ENOX1: variants seen among roughly 807,000 people sequenced by gnomAD.
ENOX1 encodes the protein ecto-NOX disulfide-thiol exchanger 1.
Under a neutral mutation model 82.5 loss-of-function variants are expected in ENOX1, and 42 were observed. The ratio of observed to expected loss-of-function variants is 0.51; its 90% confidence interval spans 0.40 to 0.66. ENOX1 has a LOEUF of 0.66. Among genes scored for constraint, ENOX1 ranks in the 30% least tolerant of loss-of-function variants. The pLI is 0.00. For synonymous variants in ENOX1, 271 were observed against 282.2 expected (o/e 0.96, Z 0.40); for missense variants, 608 against 811.6 (o/e 0.75, Z 3.05).
chr13:43,605,972 T>C (rs2081960106), intron 2 of ENOX1, among the ~76,000 whole-genome samples: 1 of 152,004 alleles, frequency 6.6e-6, no homozygotes, highest in Non-Finnish European at 1.5e-5. Context: ...AGAAATCTAA[T>C]AATCCAATTA....
At chr13:43,688,144 G>C (rs1355537435) in intron 1 of ENOX1, among the ~76,000 whole-genome samples, 2 of 152,120 alleles carry the variant, frequency 1.3e-5, no homozygotes, top group African/African-American at 2.4e-5. Context: ...AGTTTTGGGA[G>C]AGAGACCTGG....
Position 43,224,159 on chromosome 13 carries a change from T to C in ENOX1, c.1715-21A>G, listed in dbSNP as rs374313291. On this transcript the variant is annotated intron_variant, in intron 15 of 16. Transcript: ENST00000690772. ...GATACCTGAATTAAAAAGGCAAACA[T>C]TGGAAATTATTCAAAGGCATATGAG... The C allele has an allele frequency of 4.9e-5, 78 of 1,587,412 alleles. No individual in the cohort carries two copies. The African/African-American group carries it at 7.1e-4, about 14-fold the overall frequency.
At chr13:43,419,696 G>A (rs367997787) in intron 3 of ENOX1, among the ~76,000 whole-genome samples, 2 of 152,186 alleles carry the variant, frequency 1.3e-5, no homozygotes, top group African/African-American at 4.8e-5. Context: ...ACCAGGCCAG[G>A]CACGGTGGCT....
intron 2 of ENOX1, among the ~76,000 whole-genome samples, chr13:43,620,414 G>A (rs2082673316): frequency 6.6e-6 from 1 of 151,904 alleles, no homozygotes. Context: ...CACTGCTTTT[G>A]CTGTATCCCA....
chr13:43,238,487 G>A (rs1490054308), intron 14 of ENOX1, among the ~76,000 whole-genome samples: 1 of 152,134 alleles, frequency 6.6e-6, no homozygotes, highest in Non-Finnish European at 1.5e-5. Flanking sequence ...TAGGGTAGTG[G>A]GGTCAATGGG....
rs183842395 is a variant in ENOX1, at chr13:43,783,005, C to T, written c.-285+3647G>A. On this transcript the variant is annotated intron_variant, in intron 1 of 16. Transcript: ENST00000690772. Reference sequence around the variant, plus strand: ...ACCTTAAAGAGCCCAGATCACTACACCAACAGTATGTCCATTGCTTTGTAG... The same window carrying T: ...ACCTTAAAGAGCCCAGATCACTACATCAACAGTATGTCCATTGCTTTGTAG... 2.8e-4 allele frequency among the ~76,000 whole-genome samples: 43 copies of T among 152,328 alleles called. 1 individual carries two copies. The East Asian group carries it at 8.3e-3, about 29-fold the overall frequency.
chr13:43,244,774 C>T (rs944046358), intron 14 of ENOX1, among the ~76,000 whole-genome samples: 10 of 152,202 alleles, frequency 6.6e-5, no homozygotes, highest in African/African-American at 1.9e-4. Context: ...CATGTCACCC[C>T]GGACTCTGCC....
At chr13:43,708,230 G>A (rs188938660) in intron 1 of ENOX1, among the ~76,000 whole-genome samples, 21 of 152,268 alleles carry the variant, frequency 1.4e-4, no homozygotes, top group South Asian at 4.1e-4. Flanking sequence ...GTGAGCATGC[G>A]TACAACTTCA....
chr13:43,434,917 C>A (rs1457865068), intron 3 of ENOX1, among the ~76,000 whole-genome samples: 2 of 100,770 alleles, frequency 2.0e-5, no homozygotes, highest in Non-Finnish European at 4.0e-5. Context: ...TTTAACGTGT[C>A]TTATTATTGT....
intron 5 of ENOX1, among the ~76,000 whole-genome samples, chr13:43,388,916 G>GA (rs1286669185): frequency 6.6e-5 from 10 of 151,516 alleles, no homozygotes; most frequent in South Asian, 4.3e-4. Flanking sequence ...GAAAAGAACA[G>GA]AAAAAAAACC....
intron 5 of ENOX1, among the ~76,000 whole-genome samples, chr13:43,371,138 G>A (rs2051215379): frequency 6.6e-6 from 1 of 152,190 alleles, no homozygotes; most frequent in Non-Finnish European, 1.5e-5. Flanking sequence ...GTTATATAAT[G>A]ATAGGGAGGG....
chr13:43,709,981 A>G (rs536079500), intron 1 of ENOX1, among the ~76,000 whole-genome samples: 2 of 152,358 alleles, frequency 1.3e-5, no homozygotes, highest in East Asian at 3.9e-4. Flanking sequence ...TAAAGCACAC[A>G]GAACAAGAGG....
At chr13:43,669,065 A>G (rs1235567743) in intron 1 of ENOX1, among the ~76,000 whole-genome samples, 3 of 152,238 alleles carry the variant, frequency 2.0e-5, no homozygotes, top group South Asian at 2.1e-4. Context: ...CACAAGATGC[A>G]CTACTCAGAA....
chr13:43,640,927 C>T (rs937503368), intron 2 of ENOX1, among the ~76,000 whole-genome samples: 11 of 151,832 alleles, frequency 7.2e-5, no homozygotes, highest in African/African-American at 2.2e-4. Flanking sequence ...CATACACACA[C>T]ACACACACAC....
chr13:43,367,878 A>G lies in ENOX1; in HGVS notation c.209-6426T>C, dbSNP rs192631538. Among the ~76,000 whole-genome samples the G allele has an allele frequency of 1.2e-4, 18 of 152,306 alleles. No individual in the cohort carries two copies. In the East Asian group the frequency reaches 3.5e-3, roughly 29 times the overall value. On this transcript the variant is annotated intron_variant, in intron 5 of 16. Transcript: ENST00000690772. ...GTATCCCCAAAATACACTTATTGGG[A>G]TCCTAAATACAAAGATATTTCTAAA...
intron 1 of ENOX1, among the ~76,000 whole-genome samples, chr13:43,765,723 C>T (rs181209178): frequency 4.3e-4 from 65 of 152,252 alleles, no homozygotes; most frequent in East Asian, 1.2e-3. Context: ...ACTGACTTCA[C>T]CAACTTTCAA....
intron 1 of ENOX1, among the ~76,000 whole-genome samples, chr13:43,687,412 A>G (rs2086132016): frequency 6.6e-6 from 1 of 152,150 alleles, no homozygotes; most frequent in Admixed American, 6.5e-5. Context: ...CAGTTACTGA[A>G]TGAGTGTCGT....
chr13:43,337,944 C>T (rs547635058), intron 9 of ENOX1, among the ~76,000 whole-genome samples: 7 of 152,154 alleles, frequency 4.6e-5, no homozygotes. Flanking sequence ...ATAATTTCTG[C>T]TTTTTATCCA....
At chr13:43,734,794 C>T (rs532565119) in intron 1 of ENOX1, among the ~76,000 whole-genome samples, 2 of 152,184 alleles carry the variant, frequency 1.3e-5, no homozygotes, top group East Asian at 1.9e-4. Flanking sequence ...CTGGTTTGCT[C>T]GGTTTGGAAC....
Sources: gnomAD v4.1 joint callset for allele counts (sites outside exome capture counted in the v4.1 genomes callset) on GRCh38, gnomAD v4.1.1 for gene constraint, MANE v1.5 for transcripts, NCBI Gene and HGNC (gene_info 2026-07-23, HGNC 2026-07-21) for gene names.